Variants in MUC5AC observed in about 807,000 individuals in gnomAD.
MUC5AC encodes the protein mucin 5AC, oligomeric mucus/gel-forming.
MUC5AC carries 158 observed loss-of-function variants against 169.7 expected under a neutral mutation model. The observed-to-expected ratio is 0.93, with a 90% CI of 0.82 to 1.06. MUC5AC has a LOEUF of 1.06. Among genes scored for constraint, MUC5AC ranks in the 50% least tolerant of loss-of-function variants. The pLI is 0.00. For missense variants in MUC5AC, 4,359 were observed against 3,089.9 expected, an observed-to-expected ratio of 1.41 and a Z score of -9.74; for synonymous variants, 1,975 against 1,237.0, an observed-to-expected ratio of 1.60 and a Z score of -12.52.
At chr11:1,163,406 C>A (rs1860203906) in intron 6 of MUC5AC, among the ~76,000 whole-genome samples, 1 of 152,194 alleles carries the variant, frequency 6.6e-6, no homozygotes, top group African/African-American at 2.4e-5. Flanking sequence ...CAAGGCCCCA[C>A]TCCCTGCCTC....
In MUC5AC at chr11:1,188,393, G is replaced by A. The variant is rs1248790070; in HGVS notation, c.10248G>A (p.Ser3416=). The stretch of plus-strand genomic sequence containing the variant: ...CTGCCCCTACAAGCAGCACAACCTC[G>A]GCTCCTACAAGCAGCACAATCTCTG... ...ISSAPTSSTT[S]APTSSTISAR... The change falls in exon 31 of 49, where the codon TCG becomes TCA. Residue 3416 remains serine, a synonymous_variant. Coordinates refer to ENST00000621226, the MANE Select transcript of MUC5AC (RefSeq NM_001304359.2). 12 of 598,846 alleles carry A rather than the reference G, an allele frequency of 2.0e-5. No homozygotes were observed. Among genetic ancestry groups the A allele is most frequent in the Middle Eastern group, 2.6e-4 (1 of 3,920 alleles). The allele number at this position is 598,846 out of a possible 1,614,324, so 37.1% of individuals were successfully genotyped here.
chr11:1,174,957 C>T lies in MUC5AC; in HGVS notation c.2168C>T (p.Ser723Phe). ...AGCACCTGCCAGCCCACCTGCCGCT[C>T]CCTGAGCGAGGGGGACATCACCTGC... ...HVSTCQPTCR[S>F]LSEGDITCSV... The change falls in exon 18 of 49, where the codon TCC becomes TTC. Residue 723 changes from serine to phenylalanine, a missense_variant. Ser to Phe is a radical substitution (Grantham distance 155, BLOSUM62 -2). Coordinates refer to ENST00000621226, the MANE Select transcript of MUC5AC (RefSeq NM_001304359.2). 2 of 409,126 alleles carry T rather than the reference C, an allele frequency of 4.9e-6. No individual in the cohort carries two copies. Among genetic ancestry groups the T allele is most frequent in the Non-Finnish European group, 8.6e-6 (2 of 232,326 alleles). 25.3% of individuals were successfully genotyped at this position (409,126 alleles called of 1,614,324 possible). A position where few individuals can be genotyped will look rare whatever the true frequency, so the allele number is the denominator to read the frequency against.
In MUC5AC at chr11:1,198,091, C is replaced by T. The variant is rs537399686; in HGVS notation, c.16135+87C>T. 636 of 642,324 alleles carry T rather than the reference C, an allele frequency of 9.9e-4. 6 individuals carry two copies. The highest frequency in any genetic ancestry group is 9.3e-3 in the African/African-American group (518 of 55,972). The allele number at this position is 642,324 out of a possible 1,614,324, so 39.8% of individuals were successfully genotyped here. A position where few individuals can be genotyped will look rare whatever the true frequency, so the allele number is the denominator to read the frequency against. On this transcript the variant is annotated intron_variant, in intron 42 of 48. Coordinates refer to ENST00000621226, the MANE Select transcript of MUC5AC (RefSeq NM_001304359.2). ...GGGGGGCCATAACCAGATGCCAGTG[C>T]GGCTTGTCCACTGCGGGTCTGTGGC...
chr11:1,173,055 T>TACTC (rs1303281571), intron 16 of MUC5AC, among the ~76,000 whole-genome samples: 31,390 of 142,986 alleles, frequency 0.22, 3,774 homozygotes, highest in African/African-American at 0.35. Context: ...TTCACTAACT[T>TACTC]ACTCACTCAC....
In MUC5AC at chr11:1,194,091, T is replaced by C; in HGVS notation, c.14756-19T>C. On this transcript the variant is annotated intron_variant, in intron 33 of 48. Transcript: ENST00000621226. ...CCACCACCCGAGCCACCCGTAAGGCTGCCCCTGGGGCCTGGCAGGTGTGTG... is the reference window on the plus strand; with the variant it reads ...CCACCACCCGAGCCACCCGTAAGGCCGCCCCTGGGGCCTGGCAGGTGTGTG... 1.3e-6 allele frequency: 1 copy of C among 762,500 alleles called. No individual in the cohort carries two copies. Among genetic ancestry groups the C allele is most frequent in the Non-Finnish European group, 2.4e-6 (1 of 415,826 alleles). The allele number at this position is 762,500 out of a possible 1,614,324, so 47.2% of individuals were successfully genotyped here. A position where few individuals can be genotyped will look rare whatever the true frequency, so the allele number is the denominator to read the frequency against.
chr11:1,165,833 C>T (rs1860308468), intron 11 of MUC5AC, 73 bp downstream of exon 11: 1 of 1,592,216 alleles, frequency 6.3e-7, no homozygotes, highest in Non-Finnish European at 8.5e-7. Context: ...GCTCCCCCAG[C>T]TTGGCTGCAT....
chr11:1,159,779 GT>G (rs1211179074), intron 1 of MUC5AC, among the ~76,000 whole-genome samples: 1 of 91,324 alleles, frequency 1.1e-5, no homozygotes, highest in African/African-American at 3.9e-5. Context: ...CGGGGCTGGG[GT>G]CTGGTCCCAC....
chr11:1,192,179 C>T lies in MUC5AC; in HGVS notation c.14034C>T (p.Ala4678=), dbSNP rs574045421. The T allele has an allele frequency of 7.8e-5, 60 of 765,098 alleles. No homozygotes were observed. Among genetic ancestry groups the T allele is most frequent in the African/African-American group, 5.9e-4 (35 of 59,264 alleles). The allele number at this position is 765,098 out of a possible 1,614,324, so 47.4% of individuals were successfully genotyped here. The stretch of plus-strand genomic sequence containing the variant: ...AGATCACCAGGCTCCAGTGCCGAGC[C>T]GAGAGCCACCCGGAGGTGAACATTG... ...PEEITRLQCR[A]ESHPEVNIEH... is the part of the protein sequence containing the mutation. Residue 4678 remains alanine (A), a synonymous_variant, in exon 31 of 49, where the codon GCC becomes GCT. Transcript: ENST00000621226.
Position 1,164,297 on chromosome 11 carries a change from C to T in MUC5AC, c.981C>T (p.Asp327=). Reference sequence around the variant, plus strand: ...CCCATGCAGGGGGGTTGCCCCAGGACTGGCGGGGCCCTGACTTCTGCCGTG... The same window carrying T: ...CCCATGCAGGGGGGTTGCCCCAGGATTGGCGGGGCCCTGACTTCTGCCGTG... ...QCTHAGGLPQ[D]WRGPDFCPQK... is the part of the protein sequence containing the mutation. Residue 327 remains aspartate, a synonymous_variant, in exon 8 of 49, where the codon GAC becomes GAT. Coordinates refer to ENST00000621226, the MANE Select transcript of MUC5AC (RefSeq NM_001304359.2). The T allele has an allele frequency of 6.2e-7, 1 of 1,612,358 alleles. No individual in the cohort carries two copies. The highest frequency in any genetic ancestry group is 1.3e-5 in the African/African-American group (1 of 75,066).
chr11:1,168,621 C>A (rs1258719225), intron 13 of MUC5AC, 21 bp from the exon 14 acceptor site: 2 of 1,610,938 alleles, frequency 1.2e-6, no homozygotes, highest in African/African-American at 2.7e-5. Context: ...CCAGCAAAAC[C>A]CTTGTCCTTT....
At chr11:1,160,866 C>G (rs1860122832) in intron 2 of MUC5AC, among the ~76,000 whole-genome samples, 177 bp downstream of exon 2, 2 of 152,224 alleles carry the variant, frequency 1.3e-5, no homozygotes, top group African/African-American at 4.8e-5. Flanking sequence ...GTCACACTAC[C>G]TGCCTCTCCT....
rs1013671113 is a variant in MUC5AC at position 1,175,000 on chromosome 11, C to G, written c.2211C>G (p.Pro737=). The change falls in exon 18 of 49, where the codon CCC becomes CCG. Residue 737 remains proline (P), a synonymous_variant. Coordinates refer to ENST00000621226, the MANE Select transcript of MUC5AC (RefSeq NM_001304359.2). ...GDITCSVGFI[P]VDGCICPKGT... Reference sequence around the variant, plus strand: ...TCACCTGCAGTGTTGGCTTCATCCCCGTGGATGGCTGCATCTGTCCCAAGG... The same window carrying G: ...TCACCTGCAGTGTTGGCTTCATCCCGGTGGATGGCTGCATCTGTCCCAAGG... 9.9e-6 allele frequency: 4 copies of G among 404,402 alleles called. No individual in the cohort carries two copies. The Admixed American group carries it at 1.7e-4, about 18-fold the overall frequency. 25.1% of individuals were successfully genotyped at this position (404,402 alleles called of 1,614,324 possible). A position where few individuals can be genotyped will look rare whatever the true frequency, so the allele number is the denominator to read the frequency against.
rs1860983080 is a variant in MUC5AC, at chr11:1,187,528, C to T, written c.9383C>T (p.Pro3128Leu). Residue 3128 changes from proline to leucine, a missense_variant, in exon 31 of 49, where the codon CCT becomes CTT. Coordinates refer to ENST00000621226, the MANE Select transcript of MUC5AC (RefSeq NM_001304359.2). ...CTTGGAACTACTCCCAGCCCTATTC[C>T]TACCACCAGCACAACCTCTCCTCCT... ...SGLGTTPSPI[P>L]TTSTTSPPTT... is the part of the protein sequence containing the mutation. 5 of 748,236 alleles carry T rather than the reference C, an allele frequency of 6.7e-6. No individual in the cohort carries two copies. Among genetic ancestry groups the T allele is most frequent in the Admixed American group, 3.6e-5 (2 of 56,004 alleles). The allele number at this position is 748,236 out of a possible 1,614,324, so 46.3% of individuals were successfully genotyped here.
intron 9 of MUC5AC, 151 bp from the exon 10 acceptor site, chr11:1,165,151 C>T: frequency 1.4e-6 from 1 of 710,452 alleles, no homozygotes; most frequent in Middle Eastern, 4.0e-4. Flanking sequence ...TGCCCCTGTC[C>T]CGGGCCCCTG....
At position 1,200,636 on chromosome 11, in the gene MUC5AC, C is replaced by G. The variant is rs965693505; in HGVS notation, c.16899C>G (p.Pro5633=). ...CCCAGCACTCGGAGGAGGCGGAACC[C>G]GAGCCCAGCCAGGAGGCAGAGAGTG... ...GDTQHSEEAE[P]EPSQEAESGS... is the part of the protein sequence containing the mutation. The change falls in exon 49 of 49, where the codon CCC becomes CCG. Residue 5633 remains proline (P), a synonymous_variant. Coordinates refer to ENST00000621226, the MANE Select transcript of MUC5AC (RefSeq NM_001304359.2). 1.3e-6 allele frequency: 1 copy of G among 763,800 alleles called. No homozygotes were observed. The allele number at this position is 763,800 out of a possible 1,614,324, so 47.3% of individuals were successfully genotyped here. A position where few individuals can be genotyped will look rare whatever the true frequency, so the allele number is the denominator to read the frequency against.
chr11:1,167,944 C>G lies in MUC5AC; in HGVS notation c.1454C>G (p.Thr485Ser), dbSNP rs755414645. 1.3e-6 allele frequency: 2 copies of G among 1,550,920 alleles called. No homozygotes were observed. The highest frequency in any genetic ancestry group is 1.7e-6 in the Non-Finnish European group (2 of 1,147,396). The change falls in exon 12 of 49, where the codon ACC (threonine) becomes AGC (serine). Residue 485 changes from threonine (T) to serine (S), a missense_variant. Thr to Ser is a moderately conservative substitution (Grantham distance 58, BLOSUM62 1). Coordinates refer to ENST00000621226, the MANE Select transcript of MUC5AC (RefSeq NM_001304359.2). Reference protein sequence around the residue: ...LRRCGLTDSETCLKSVTLSLD... With the variant: ...LRRCGLTDSESCLKSVTLSLD... ...AGGTGCGGGCTGACGGACAGCGAGA[C>G]CTGCCTGAAGAGCGTGACACTGAGC...
At chr11:1,169,255 T>C in intron 15 of MUC5AC, 27 of 838,024 alleles carry the variant, frequency 3.2e-5, no homozygotes, top group Non-Finnish European at 3.6e-5. Flanking sequence ...TACAAGTCTC[T>C]GTTGGTCAAC....
Position 1,191,865 on chromosome 11 carries a change from A to C in MUC5AC, c.13720A>C (p.Thr4574Pro), listed in dbSNP as rs778083764. The change falls in exon 31 of 49, where the codon ACC becomes CCC. Residue 4574 changes from threonine to proline, a missense_variant. Thr to Pro is a conservative substitution (Grantham distance 38). Transcript: ENST00000621226. ...TGGAACTACTCCCAGCCCTGTTCCC[A>C]CCACCAGCACAACCTCTGCTCCTAC... ...GPGTTPSPVP[T>P]TSTTSAPTTS... 1.3e-6 allele frequency: 1 copy of C among 762,276 alleles called. No individual in the cohort carries two copies. The highest frequency in any genetic ancestry group is 1.4e-5 in the South Asian group (1 of 73,240). The allele number at this position is 762,276 out of a possible 1,614,324, so 47.2% of individuals were successfully genotyped here.
rs1397248131 is a variant in MUC5AC at position 1,168,857 on chromosome 11, C to G, written c.1706-5C>G. On this transcript the variant is annotated splice_polypyrimidine_tract_variant and splice_region_variant and intron_variant, in intron 14 of 48. Transcript: ENST00000621226. ...TGGTCCTCAACCTGCCTAACCCGCC[C>G]CCAGGTCTCTGTGGGAACTTCAACA... 1 of 1,588,260 alleles carries G rather than the reference C, an allele frequency of 6.3e-7. No individual in the cohort carries two copies. The highest frequency in any genetic ancestry group is 8.6e-7 in the Non-Finnish European group (1 of 1,165,106).
Sources: allele counts gnomAD v4.1 joint callset (sites outside exome capture counted in the v4.1 genomes callset), GRCh38; gene constraint gnomAD v4.1.1; transcripts MANE v1.5; gene names NCBI Gene and HGNC (gene_info 2026-07-23, HGNC 2026-07-21).